Variants in CCDC91 observed in about 807,000 individuals in gnomAD.
The protein encoded by CCDC91 is coiled-coil domain-containing protein 91.
In CCDC91, 48 loss-of-function variants were observed where a neutral mutation model predicts 63.2. The observed-to-expected ratio is 0.76, with a 90% CI of 0.60 to 0.97. The LOEUF is 0.97. CCDC91 is among the 50% of genes least tolerant of loss of function. The pLI, the probability that CCDC91 is intolerant of heterozygous loss-of-function variation, is 0.00. For missense variants in CCDC91, 500 were observed against 494.6 expected, an observed-to-expected ratio of 1.01 and a Z score of -0.10; for synonymous variants, 167 against 165.8, an observed-to-expected ratio of 1.01 and a Z score of -0.06.
chr12:28,388,101 G>T (rs1250644472), intron 7 of CCDC91, among the ~76,000 whole-genome samples: 1 of 151,936 alleles, frequency 6.6e-6, no homozygotes, highest in South Asian at 2.1e-4. Flanking sequence ...ATTGCATTGT[G>T]GTTTGATTTG....
intron 3 of CCDC91, 132 bp from the exon 4 acceptor site, chr12:28,305,517 A>G (rs1938615067): frequency 1.4e-6 from 1 of 734,144 alleles, no homozygotes; most frequent in Non-Finnish European, 2.1e-6. Context: ...CTGATTTTTC[A>G]CTCTCATTGC....
At chr12:28,465,475 G>A (rs1301774929) in intron 11 of CCDC91, among the ~76,000 whole-genome samples, 2 of 152,162 alleles carry the variant, frequency 1.3e-5, no homozygotes, top group Admixed American at 6.5e-5. Context: ...TCAGAATAGA[G>A]AGAAAAACTT....
chr12:28,231,512 G>T (rs1944601610), intron 1 of CCDC91, among the ~76,000 whole-genome samples: 1 of 152,090 alleles, frequency 6.6e-6, no homozygotes, highest in African/African-American at 2.4e-5. Flanking sequence ...GCTAAGACTT[G>T]ATTTCCTAAA....
chr12:28,436,202 T>C (rs953814669), intron 8 of CCDC91, among the ~76,000 whole-genome samples: 2 of 151,860 alleles, frequency 1.3e-5, no homozygotes, highest in African/African-American at 4.8e-5. Flanking sequence ...TTGTGGTGGT[T>C]TTATCTGACC....
chr12:28,438,935 G>T (rs1949044088), intron 8 of CCDC91, among the ~76,000 whole-genome samples: 1 of 152,058 alleles, frequency 6.6e-6, no homozygotes, highest in African/African-American at 2.4e-5. Flanking sequence ...ATAATCCTCT[G>T]CTTAAATTGA....
chr12:28,227,892 C>CTA (rs1444651971), intron 1 of CCDC91, among the ~76,000 whole-genome samples: 2 of 151,866 alleles, frequency 1.3e-5, no homozygotes, highest in Non-Finnish European at 2.9e-5. Flanking sequence ...CTTGATCTCA[C>CTA]TATAGCATTG....
At chr12:28,346,842 A>G (rs1044714993) in intron 6 of CCDC91, among the ~76,000 whole-genome samples, 5 of 152,060 alleles carry the variant, frequency 3.3e-5, no homozygotes, top group Non-Finnish European at 7.4e-5. Flanking sequence ...TTGACCTTCA[A>G]CCTCTATCCT....
intron 12 of CCDC91, among the ~76,000 whole-genome samples, chr12:28,532,999 G>A (rs1251323679): frequency 4.6e-5 from 7 of 152,024 alleles, no homozygotes; most frequent in Admixed American, 4.6e-4. Context: ...CGGGTTAGTA[G>A]CATTCGTTCA....
intron 1 of CCDC91, among the ~76,000 whole-genome samples, chr12:28,213,914 A>G (rs1373847905): frequency 6.6e-6 from 1 of 152,138 alleles, no homozygotes; most frequent in African/African-American, 2.4e-5. Context: ...CTGGTGCAGG[A>G]TTCTCCAGAA....
intron 1 of CCDC91, among the ~76,000 whole-genome samples, chr12:28,241,425 T>C (rs1277031629): frequency 6.6e-6 from 1 of 152,156 alleles, no homozygotes; most frequent in Non-Finnish European, 1.5e-5. Context: ...TTTCTGCCTT[T>C]CCCCCAAGTG....
At chr12:28,215,930 T>C (rs77458710) in intron 1 of CCDC91, among the ~76,000 whole-genome samples, 2 of 152,246 alleles carry the variant, frequency 1.3e-5, no homozygotes, top group East Asian at 1.9e-4. Context: ...TAATCAGATA[T>C]ACTGGTTAAA....
chr12:28,360,928 G>A (rs1448684349), intron 6 of CCDC91, among the ~76,000 whole-genome samples: 2 of 151,636 alleles, frequency 1.3e-5, no homozygotes, highest in Non-Finnish European at 2.9e-5. Context: ...GTTAATACAG[G>A]TGCAGTTTCT....
At chr12:28,377,723 A>G (rs540176672) in intron 7 of CCDC91, among the ~76,000 whole-genome samples, 2 of 152,068 alleles carry the variant, frequency 1.3e-5, no homozygotes, top group African/African-American at 4.8e-5. Flanking sequence ...CATTTTAAAA[A>G]CTTATCATTA....
At chr12:28,343,279 C>A (rs1277113261) in intron 6 of CCDC91, among the ~76,000 whole-genome samples, 1 of 151,428 alleles carries the variant, frequency 6.6e-6, no homozygotes, top group Non-Finnish European at 1.5e-5. Context: ...TAATAAACAG[C>A]ATAATGTAAT....
chr12:28,391,861 T>C (rs187912508), intron 8 of CCDC91, among the ~76,000 whole-genome samples: 1 of 152,220 alleles, frequency 6.6e-6, no homozygotes, highest in Admixed American at 6.5e-5. Flanking sequence ...TATCTTAGCT[T>C]AAATTATTCA....
At chr12:28,207,528 G>T (rs1174476367) in intron 1 of CCDC91, among the ~76,000 whole-genome samples, 2 of 152,146 alleles carry the variant, frequency 1.3e-5, no homozygotes, top group Non-Finnish European at 2.9e-5. Flanking sequence ...TATAAGATCA[G>T]TCCTCTTGCA....
intron 12 of CCDC91, among the ~76,000 whole-genome samples, chr12:28,531,091 A>C (rs1941692783): frequency 6.6e-6 from 1 of 152,178 alleles, no homozygotes; most frequent in Non-Finnish European, 1.5e-5. Flanking sequence ...TTGAGATTCT[A>C]GGTTGTTTTA....
intron 12 of CCDC91, among the ~76,000 whole-genome samples, chr12:28,507,180 C>G (rs1270888623): frequency 6.6e-6 from 1 of 151,930 alleles, no homozygotes; most frequent in Non-Finnish European, 1.5e-5. Context: ...TTCCAGTGTT[C>G]TCCAGTTACA....
At chr12:28,367,511 C>T (rs1361821907) in intron 7 of CCDC91, among the ~76,000 whole-genome samples, 2 of 152,008 alleles carry the variant, frequency 1.3e-5, no homozygotes, top group Admixed American at 6.5e-5. Context: ...TGATGAAAGA[C>T]CTAAAATTTA....
Sources: allele counts gnomAD v4.1 joint callset (sites outside exome capture counted in the v4.1 genomes callset), GRCh38; gene constraint gnomAD v4.1.1; transcripts MANE v1.5; gene names NCBI Gene and HGNC (gene_info 2026-07-23, HGNC 2026-07-21).